CDC42BPA: variants seen among roughly 807,000 people sequenced by gnomAD.
CDC42BPA encodes serine/threonine-protein kinase MRCK alpha.
Under a neutral mutation model 223.5 loss-of-function variants are expected in CDC42BPA, and 80 were observed. The observed-to-expected ratio is 0.36, with a 90% CI of 0.30 to 0.43. The LOEUF is 0.43. Among genes scored for constraint, CDC42BPA ranks in the 20% least tolerant of loss-of-function variants. The pLI, the probability that CDC42BPA is intolerant of heterozygous loss-of-function variation, is 1.00. For synonymous variants in CDC42BPA, 694 were observed against 718.6 expected (o/e 0.97, Z 0.55); for missense variants, 1,743 against 2,099.9 (o/e 0.83, Z 3.32).
chr1:227,200,870 T>C (rs1471901736), intron 3 of CDC42BPA, among the ~76,000 whole-genome samples: 2 of 152,204 alleles, frequency 1.3e-5, no homozygotes, highest in Non-Finnish European at 2.9e-5. Flanking sequence ...ATTAGACTTT[T>C]AAGTGGTTGC....
At chr1:227,253,617 T>A (rs965892402) in intron 2 of CDC42BPA, among the ~76,000 whole-genome samples, 3 of 119,412 alleles carry the variant, frequency 2.5e-5, no homozygotes, top group African/African-American at 2.9e-5. Context: ...AATACATACA[T>A]ACATACATAC....
chr1:227,255,817 G>A (rs1682943012), intron 1 of CDC42BPA, among the ~76,000 whole-genome samples: 1 of 152,126 alleles, frequency 6.6e-6, no homozygotes, highest in Non-Finnish European at 1.5e-5. Flanking sequence ...TTAAATAAAT[G>A]AAAAGACATC....
chr1:227,288,941 G>A (rs1317273425), intron 1 of CDC42BPA, among the ~76,000 whole-genome samples: 2 of 151,934 alleles, frequency 1.3e-5, no homozygotes, highest in African/African-American at 4.8e-5. Context: ...CTGCAGTGGG[G>A]AGAGATCATG....
At chr1:227,175,397 C>T (rs1032890640) in intron 5 of CDC42BPA, among the ~76,000 whole-genome samples, 4 of 151,924 alleles carry the variant, frequency 2.6e-5, no homozygotes, top group African/African-American at 9.7e-5. Flanking sequence ...GAAAAAAAGT[C>T]ATAGTCTATG....
At chr1:227,220,831 T>C (rs767015448) in intron 2 of CDC42BPA, among the ~76,000 whole-genome samples, 7 of 152,114 alleles carry the variant, frequency 4.6e-5, no homozygotes, top group South Asian at 2.1e-4. Context: ...TGGATATCAA[T>C]TGAAAAACTT....
intron 16 of CDC42BPA, among the ~76,000 whole-genome samples, chr1:227,085,927 A>G (rs1345805885): frequency 6.6e-6 from 1 of 152,212 alleles, no homozygotes; most frequent in Non-Finnish European, 1.5e-5. Context: ...AGTGATTGCT[A>G]CAATCCAGTT....
At chr1:227,136,938 A>T (rs1001340502) in intron 10 of CDC42BPA, among the ~76,000 whole-genome samples, 10 of 152,194 alleles carry the variant, frequency 6.6e-5, no homozygotes, top group African/African-American at 2.4e-4. Context: ...CCAGATAGAA[A>T]CATGGATCAC....
rs553989995 is a variant in CDC42BPA at position 227,179,443 on chromosome 1, T to C, written c.599+14343A>G. Among the ~76,000 whole-genome samples, 618 of 151,782 alleles carry C rather than the reference T, an allele frequency of 4.1e-3. 6 individuals are homozygous for C. The highest frequency in any genetic ancestry group is 0.014 in the African/African-American group (599 of 41,384). On this transcript the variant is annotated intron_variant, in intron 5 of 36. Transcript: ENST00000366766. The stretch of plus-strand genomic sequence containing the variant: ...CAAGGTCAGGAGATTGAGACCATCC[T>C]GGCTAACATGGTGAAACTCCGTCTC...
intron 1 of CDC42BPA, among the ~76,000 whole-genome samples, chr1:227,309,052 AAAAT>A (rs1001203768): frequency 1.3e-5 from 2 of 152,082 alleles, no homozygotes; most frequent in African/African-American, 4.8e-5. Context: ...GTTAAAGAGA[AAAAT>A]AAATCTAAAT....
intron 23 of CDC42BPA, among the ~76,000 whole-genome samples, chr1:227,044,774 A>T (rs1166737161): frequency 1.3e-5 from 2 of 152,144 alleles, no homozygotes; most frequent in Non-Finnish European, 2.9e-5. Context: ...GTAATGTCTA[A>T]GTTATTATGA....
intron 6 of CDC42BPA, among the ~76,000 whole-genome samples, chr1:227,154,936 G>A (rs542645501): frequency 2.4e-4 from 37 of 152,088 alleles, no homozygotes; most frequent in Non-Finnish European, 4.3e-4. Flanking sequence ...GAATAGCCAA[G>A]ATAATTTTAG....
At chr1:227,314,795 ATTAAAC>A (rs973586759) in intron 1 of CDC42BPA, among the ~76,000 whole-genome samples, 16 of 151,942 alleles carry the variant, frequency 1.1e-4, no homozygotes, top group Non-Finnish European at 2.2e-4. Context: ...ATTATTAAAA[ATTAAAC>A]TTAAAATTAC....
intron 21 of CDC42BPA, among the ~76,000 whole-genome samples, chr1:227,067,233 T>C (rs922915062): frequency 6.6e-6 from 1 of 152,132 alleles, no homozygotes; most frequent in African/African-American, 2.4e-5. Flanking sequence ...GTGGCAGCAG[T>C]GGCAGAGTGC....
At chr1:227,220,293 T>TATAC (rs1491024689) in intron 2 of CDC42BPA, among the ~76,000 whole-genome samples, 2 of 91,916 alleles carry the variant, frequency 2.2e-5, no homozygotes, top group Non-Finnish European at 4.3e-5. Flanking sequence ...TATATATATA[T>TATAC]ATATATATAT....
chr1:227,082,493 T>A (rs1680903107), intron 16 of CDC42BPA, among the ~76,000 whole-genome samples: 1 of 151,790 alleles, frequency 6.6e-6, no homozygotes, highest in Non-Finnish European at 1.5e-5. Context: ...GACGGGTGGA[T>A]CACGAGGTCA....
intron 10 of CDC42BPA, among the ~76,000 whole-genome samples, chr1:227,133,097 C>CG (rs1230404498): frequency 7.6e-5 from 1 of 13,234 alleles, no homozygotes; most frequent in African/African-American, 1.9e-4. Context: ...GGGGGGTCAG[C>CG]CCCCCGCCCG....
chr1:227,119,787 CTA>C lies in CDC42BPA; in HGVS notation c.1647+15_1647+16del. On this transcript the variant is annotated intron_variant, in intron 12 of 36. Transcript: ENST00000366766. ...AAAATAGAGAAAAAGCTTTAATGAT[CTA>C]GTCACATATTTTACCTTATTTAGAT... 6.7e-7 allele frequency: 1 copy of C among 1,503,750 alleles called. No homozygotes were observed. The allele number at this position is 1,503,750 out of a possible 1,614,324, so 93.2% of individuals were successfully genotyped here. A position where few individuals can be genotyped will look rare whatever the true frequency, so the allele number is the denominator to read the frequency against.
At chr1:227,208,950 A>G (rs1197178749) in intron 3 of CDC42BPA, among the ~76,000 whole-genome samples, 1 of 151,980 alleles carries the variant, frequency 6.6e-6, no homozygotes, top group East Asian at 1.9e-4. Flanking sequence ...CATGGGCAGT[A>G]TGGCCATTTT....
At chr1:227,128,646 C>T (rs1010793871) in intron 11 of CDC42BPA, among the ~76,000 whole-genome samples, 2 of 152,084 alleles carry the variant, frequency 1.3e-5, no homozygotes, top group African/African-American at 2.4e-5. Flanking sequence ...CTCAGTAATA[C>T]ACTGAAAAAA....
Sources: gnomAD v4.1 joint callset for allele counts (sites outside exome capture counted in the v4.1 genomes callset) on GRCh38, gnomAD v4.1.1 for gene constraint, MANE v1.5 for transcripts, NCBI Gene and HGNC (gene_info 2026-07-23, HGNC 2026-07-21) for gene names.